Variants in TENT5A observed in about 807,000 individuals in gnomAD.
The protein encoded by TENT5A is HBV X-transactivated gene 11 protein.
Under a neutral mutation model 30.2 loss-of-function variants are expected in TENT5A, and 9 were observed. The ratio of observed to expected loss-of-function variants is 0.30; its 90% confidence interval spans 0.18 to 0.52. TENT5A has a LOEUF of 0.52. TENT5A is among the 20% of genes least tolerant of loss of function. The pLI, the probability that TENT5A is intolerant of heterozygous loss-of-function variation, is 0.97. For synonymous variants in TENT5A, 264 were observed against 234.2 expected (o/e 1.13, Z -1.16); for missense variants, 411 against 566.1 (o/e 0.73, Z 2.78).
Position 81,749,255 on chromosome 6 carries a change from T to G in TENT5A, c.*440A>C. On this transcript the variant is annotated 3_prime_UTR_variant, in exon 3 of 3. Coordinates refer to ENST00000320172, the MANE Select transcript of TENT5A (RefSeq NM_017633.3). ...ACTATTAATATCTGAACTCCTAAAC[T>G]GATTCACAAGTTGGAGTGAGACCTT... 1 of 989,768 alleles carries G rather than the reference T, an allele frequency of 1.0e-6. No homozygotes were observed. Among genetic ancestry groups the G allele is most frequent in the Non-Finnish European group, 1.2e-6 (1 of 832,822 alleles). 61.3% of individuals were successfully genotyped at this position (989,768 alleles called of 1,614,324 possible). A position where few individuals can be genotyped will look rare whatever the true frequency, so the allele number is the denominator to read the frequency against.
In TENT5A at chr6:81,751,628, C is replaced by T; in HGVS notation, c.514G>A (p.Gly172Arg). The change falls in exon 2 of 3, where the codon GGG becomes AGG. Residue 172 changes from glycine (G) to arginine (R), a missense_variant. Around this residue, in one of 5 missense-constraint regions of TENT5A, gnomAD observed 157 missense variants for 183.2 expected, o/e 0.86. Transcript: ENST00000320172. The part of the protein sequence containing the change: ...LDCLLDFLPE[G>R]VNKEKITPLT... ...GGTGTGATCTTCTCTTTGTTCACCC[C>T]CTCGGGTAAGAAGTCCAACAGGCAG... The T allele has an allele frequency of 6.2e-7, 1 of 1,613,670 alleles. No individual in the cohort carries two copies. Among genetic ancestry groups the T allele is most frequent in the Non-Finnish European group, 8.5e-7 (1 of 1,179,788 alleles).
In TENT5A at chr6:81,746,262, G is replaced by T; in HGVS notation, c.*3433C>A. 1 of 1,173,392 alleles carries T rather than the reference G, an allele frequency of 8.5e-7. No homozygotes were observed. 72.7% of individuals were successfully genotyped at this position (1,173,392 alleles called of 1,614,324 possible). On this transcript the variant is annotated 3_prime_UTR_variant, in exon 3 of 3. Coordinates refer to ENST00000320172, the MANE Select transcript of TENT5A (RefSeq NM_017633.3). ...AACAACAACAAAAAAGCTTATTTTT[G>T]AACTGACAGCTTTCAACATAATACA...
At position 81,746,815 on chromosome 6, in the gene TENT5A, A is replaced by G. The variant is rs766163224; in HGVS notation, c.*2880T>C. 312 of 1,187,312 alleles carry G rather than the reference A, an allele frequency of 2.6e-4. No individual in the cohort carries two copies. The highest frequency in any genetic ancestry group is 3.2e-4 in the Non-Finnish European group (309 of 960,286). The allele number at this position is 1,187,312 out of a possible 1,614,324, so 73.5% of individuals were successfully genotyped here. On this transcript the variant is annotated 3_prime_UTR_variant, in exon 3 of 3. Transcript: ENST00000320172. ...TCTCTCACCAGACATTCAAATTTTT[A>G]GGCCGCACATCCACAAAGAGAGACA...
rs1449737056 is a variant in TENT5A at position 81,751,664 on chromosome 6, C to T, written c.478G>A (p.Val160Ile). Residue 160 changes from valine (V) to isoleucine (I), a missense_variant, in exon 2 of 3, where the codon GTC becomes ATC. By Grantham distance (29) the Val-to-Ile change is conservative (BLOSUM62 3). Coordinates refer to ENST00000320172, the MANE Select transcript of TENT5A (RefSeq NM_017633.3). ...AAGTCCAACAGGCAGTCCAGCACGACGTCCTTCACAGTCTGAAACTCCCCT... is the reference window on the plus strand; with the variant it reads ...AAGTCCAACAGGCAGTCCAGCACGATGTCCTTCACAGTCTGAAACTCCCCT... ...GEGEFQTVKD[V>I]VLDCLLDFLP... 5.6e-6 allele frequency: 9 copies of T among 1,614,198 alleles called. No individual in the cohort carries two copies. Among genetic ancestry groups the T allele is most frequent in the East Asian group, 2.2e-5 (1 of 44,868 alleles).
rs1301687541 is a variant in TENT5A, at chr6:81,746,099, A to G, written c.*3596T>C. ...GTTAGAAAGCCATTATTTTAACAAA[A>G]TATAACATAGAGATTCTTTCTTAGC... On this transcript the variant is annotated 3_prime_UTR_variant, in exon 3 of 3. Transcript: ENST00000320172. 34 of 982,436 alleles carry G rather than the reference A, an allele frequency of 3.5e-5. No individual in the cohort carries two copies. Among genetic ancestry groups the G allele is most frequent in the South Asian group, 4.7e-5 (1 of 21,222 alleles). The allele number at this position is 982,436 out of a possible 1,614,324, so 60.9% of individuals were successfully genotyped here. A position where few individuals can be genotyped will look rare whatever the true frequency, so the allele number is the denominator to read the frequency against.
At position 81,746,833 on chromosome 6, in the gene TENT5A, G is replaced by A; in HGVS notation, c.*2862C>T. On this transcript the variant is annotated 3_prime_UTR_variant, in exon 3 of 3. Transcript: ENST00000320172. ...AATTTTTAGGCCGCACATCCACAAA[G>A]AGAGACATATATTTCACTGTGTGTT... The A allele has an allele frequency of 8.6e-7, 1 of 1,160,540 alleles. No individual in the cohort carries two copies. The highest frequency in any genetic ancestry group is 4.0e-5 in the East Asian group (1 of 25,310). The allele number at this position is 1,160,540 out of a possible 1,614,324, so 71.9% of individuals were successfully genotyped here. A position where few individuals can be genotyped will look rare whatever the true frequency, so the allele number is the denominator to read the frequency against.
rs1286323503 is a variant in TENT5A, at chr6:81,749,969, T to C, written c.1055A>G (p.Tyr352Cys). The C allele has an allele frequency of 6.2e-7, 1 of 1,614,202 alleles. No homozygotes were observed. The highest frequency in any genetic ancestry group is 8.5e-7 in the Non-Finnish European group (1 of 1,180,026). ...TCCATGAAGGGTCATGAGATACTCA[T>C]ACTTGCGGTCTTCCAATCCCACAAA... ...NHFVGLEDRKYEYLMTLHGVV... is the reference protein window; with the variant it reads ...NHFVGLEDRKCEYLMTLHGVV... Residue 352 changes from tyrosine (Y) to cysteine (C), a missense_variant, in exon 3 of 3, where the codon TAT becomes TGT. Coordinates refer to ENST00000320172, the MANE Select transcript of TENT5A (RefSeq NM_017633.3).
rs973595030 is a variant in TENT5A, at chr6:81,746,659, T to C, written c.*3036A>G. Reference sequence around the variant, plus strand: ...CCAGGCTGGACAGGTGAGAAGAGCCTCCAAAAGACAAAACTTCTTCCTGGT... The same window carrying C: ...CCAGGCTGGACAGGTGAGAAGAGCCCCCAAAAGACAAAACTTCTTCCTGGT... On this transcript the variant is annotated 3_prime_UTR_variant, in exon 3 of 3. Coordinates refer to ENST00000320172, the MANE Select transcript of TENT5A (RefSeq NM_017633.3). 1 of 1,231,104 alleles carries C rather than the reference T, an allele frequency of 8.1e-7. No individual in the cohort carries two copies. The highest frequency in any genetic ancestry group is 1.6e-5 in the African/African-American group (1 of 64,470). The allele number at this position is 1,231,104 out of a possible 1,614,324, so 76.3% of individuals were successfully genotyped here.
Position 81,747,998 on chromosome 6 carries a change from G to T in TENT5A, c.*1697C>A. The T allele has an allele frequency of 1.0e-6, 1 of 982,366 alleles. No homozygotes were observed. The highest frequency in any genetic ancestry group is 1.2e-6 in the Non-Finnish European group (1 of 826,892). The allele number at this position is 982,366 out of a possible 1,614,324, so 60.9% of individuals were successfully genotyped here. ...ATATTTAAATGCAGTGTGACAACCA[G>T]ATCAAAGATGTTTCATATTGACATG... is the stretch of plus-strand genomic sequence containing the variant. On this transcript the variant is annotated 3_prime_UTR_variant, in exon 3 of 3. Transcript: ENST00000320172.
rs572463205 is a variant in TENT5A at position 81,746,003 on chromosome 6, C to T, written c.*3692G>A. The T allele has an allele frequency of 1.7e-5, 17 of 985,508 alleles. No individual in the cohort carries two copies. The highest frequency in any genetic ancestry group is 5.2e-4 in the Middle Eastern group (1 of 1,914). 61.0% of individuals were successfully genotyped at this position (985,508 alleles called of 1,614,324 possible). On this transcript the variant is annotated 3_prime_UTR_variant, in exon 3 of 3. Coordinates refer to ENST00000320172, the MANE Select transcript of TENT5A (RefSeq NM_017633.3). ...GACAGCCAGCAGGCAGAGCCTCCTC[C>T]GTTCTGCAAGGCTTTGCAGCAAGTC...
chr6:81,752,335 G>C, intron 1 of TENT5A, 96 bp downstream of exon 1: 3 of 1,536,666 alleles, frequency 2.0e-6, no homozygotes, highest in Non-Finnish European at 1.8e-6. Context: ...GGCCCTTACA[G>C]TCCCCAGCCG....
In TENT5A at chr6:81,747,015, C is replaced by T; in HGVS notation, c.*2680G>A. 5.1e-6 allele frequency: 5 copies of T among 985,748 alleles called. No individual in the cohort carries two copies. Among genetic ancestry groups the T allele is most frequent in the Non-Finnish European group, 6.0e-6 (5 of 830,030 alleles). The allele number at this position is 985,748 out of a possible 1,614,324, so 61.1% of individuals were successfully genotyped here. On this transcript the variant is annotated 3_prime_UTR_variant, in exon 3 of 3. Coordinates refer to ENST00000320172, the MANE Select transcript of TENT5A (RefSeq NM_017633.3). ...ACTAAGCTACCAACCCTGAAGTAAG[C>T]AAGAAAAGAATATAAATATTTAAGA...
chr6:81,750,534 A>G lies in TENT5A; in HGVS notation c.553-63T>C. 1 of 1,017,444 alleles carries G rather than the reference A, an allele frequency of 9.8e-7. No homozygotes were observed. Among genetic ancestry groups the G allele is most frequent in the Non-Finnish European group, 1.4e-6 (1 of 713,936 alleles). 63.0% of individuals were successfully genotyped at this position (1,017,444 alleles called of 1,614,324 possible). A position where few individuals can be genotyped will look rare whatever the true frequency, so the allele number is the denominator to read the frequency against. ...GAAAATAATAAATCAATAAATAAAT[A>G]CATCCTCTTCACAGCTGAGAATTAT... On this transcript the variant is annotated intron_variant, in intron 2 of 2. Coordinates refer to ENST00000320172, the MANE Select transcript of TENT5A (RefSeq NM_017633.3). This position sits in a 1 kb window ranked among gnomAD's most constrained non-coding sequence, Gnocchi z 4.2.
chr6:81,751,074 T>A (rs560492769), intron 2 of TENT5A, among the ~76,000 whole-genome samples: 1 of 150,806 alleles, frequency 6.6e-6, no homozygotes, highest in Non-Finnish European at 1.5e-5. Flanking sequence ...CACTATACCC[T>A]TAACATATGA....
At chr6:81,752,272 C>A in intron 1 of TENT5A, 94 bp from the exon 2 acceptor site, 1 of 1,490,592 alleles carries the variant, frequency 6.7e-7, no homozygotes, top group South Asian at 1.3e-5. Flanking sequence ...AAAAGAGCGC[C>A]CCCTCCCCCG....
Position 81,747,758 on chromosome 6 carries a change from T to A in TENT5A, c.*1937A>T, listed in dbSNP as rs1032972468. ...TCACAACACAAAGGGAAGGTTCTTA[T>A]GTGTTAGTTTTGTTTTGTTTTTAAC... On this transcript the variant is annotated 3_prime_UTR_variant, in exon 3 of 3. Transcript: ENST00000320172. The A allele has an allele frequency of 4.1e-6, 4 of 985,726 alleles. No homozygotes were observed. Among genetic ancestry groups the A allele is most frequent in the African/African-American group, 1.7e-5 (1 of 57,208 alleles). 61.1% of individuals were successfully genotyped at this position (985,726 alleles called of 1,614,324 possible).
Position 81,752,015 on chromosome 6 carries a change from C to A in TENT5A, c.127G>T (p.Gly43Cys), listed in dbSNP as rs750399863. 2 of 1,129,678 alleles carry A rather than the reference C, an allele frequency of 1.8e-6. No individual in the cohort carries two copies. The highest frequency in any genetic ancestry group is 3.5e-5 in the South Asian group (2 of 57,376). The allele number at this position is 1,129,678 out of a possible 1,614,324, so 70.0% of individuals were successfully genotyped here. ...TGCCCACCGAAGCTGCCGCCACCGC[C>A]GAAGTCGCCGCCGCCGAAGTCGCCG... Reference protein sequence around the residue: ...GGGDFGGGDFGGGGSFGGHCL... With the variant: ...GGGDFGGGDFCGGGSFGGHCL... Residue 43 changes from glycine (G) to cysteine (C), a missense_variant, in exon 2 of 3, where the codon GGC (glycine) becomes TGC (cysteine). Physicochemically the swap from Gly to Cys is radical, Grantham distance 159. This residue lies in a region of TENT5A where 157 missense variants were observed against 183.2 expected (regional missense o/e 0.86). Transcript: ENST00000320172.
At position 81,746,333 on chromosome 6, in the gene TENT5A, A is replaced by T. The variant is rs1768883904; in HGVS notation, c.*3362T>A. On this transcript the variant is annotated 3_prime_UTR_variant, in exon 3 of 3. Transcript: ENST00000320172. Reference sequence around the variant, plus strand: ...ACAATATTTATTTAACAAGCGTTGCATTGAAAACAACTTTATGCACAGTGA... The same window carrying T: ...ACAATATTTATTTAACAAGCGTTGCTTTGAAAACAACTTTATGCACAGTGA... The T allele has an allele frequency of 1.1e-5, 13 of 1,224,942 alleles. No homozygotes were observed. Among genetic ancestry groups the T allele is most frequent in the Non-Finnish European group, 1.3e-5 (13 of 983,854 alleles). 75.9% of individuals were successfully genotyped at this position (1,224,942 alleles called of 1,614,324 possible). A position where few individuals can be genotyped will look rare whatever the true frequency, so the allele number is the denominator to read the frequency against.
In TENT5A at chr6:81,750,869, T is replaced by C. The variant is rs1769016734; in HGVS notation, c.553-398A>G. Among the ~76,000 whole-genome samples the C allele has an allele frequency of 6.6e-6, 1 of 152,214 alleles. No homozygotes were observed. Among genetic ancestry groups the C allele is most frequent in the Admixed American group, 6.5e-5 (1 of 15,282 alleles). The stretch of plus-strand genomic sequence containing the variant: ...TAGGTTAGTCAGCCTCTCGCCCTTG[T>C]TCCAAGCCACCCAATTCCTCTCCGC... On this transcript the variant is annotated intron_variant, in intron 2 of 2. Coordinates refer to ENST00000320172, the MANE Select transcript of TENT5A (RefSeq NM_017633.3). This position sits in a 1 kb window ranked among gnomAD's most constrained non-coding sequence, Gnocchi z 4.2.
Sources: gnomAD v4.1 joint callset for allele counts (sites outside exome capture counted in the v4.1 genomes callset) on GRCh38, gnomAD v4.1.1 for gene constraint, gnomAD v4.1.1 regional missense constraint, Gnocchi (gnomAD v3.1) non-coding constraint, MANE v1.5 for transcripts, NCBI Gene and HGNC (gene_info 2026-07-23, HGNC 2026-07-21) for gene names.